FAM13A: variants seen among roughly 807,000 people sequenced by gnomAD.
The protein encoded by FAM13A is protein FAM13A.
A neutral mutation model predicts 129.6 loss-of-function variants in FAM13A; 76 were observed. The ratio of observed to expected loss-of-function variants is 0.59; its 90% CI spans 0.49 to 0.71. The LOEUF is 0.71. Among genes scored for constraint, FAM13A ranks in the 30% least tolerant of loss-of-function variants. The pLI is 0.00. For missense variants in FAM13A, 1,108 were observed against 1,249.3 expected (o/e 0.89, Z 1.70); for synonymous variants, 443 against 449.9 (o/e 0.98, Z 0.20).
intron 6 of FAM13A, among the ~76,000 whole-genome samples, chr4:88,878,844 T>C (rs1001047293): frequency 1.3e-5 from 2 of 152,200 alleles, no homozygotes; most frequent in Non-Finnish European, 2.9e-5. Context: ...GAGCACAAAG[T>C]ACAAACTTAT....
intron 1 of FAM13A, among the ~76,000 whole-genome samples, chr4:89,043,437 G>C (rs1037936539): frequency 2.6e-5 from 4 of 152,054 alleles, no homozygotes; most frequent in African/African-American, 9.7e-5. Context: ...GCAATAGAGG[G>C]GGGAATCTCC....
intron 13 of FAM13A, among the ~76,000 whole-genome samples, chr4:88,764,761 T>C (rs1745423635): frequency 6.6e-6 from 1 of 152,230 alleles, no homozygotes; most frequent in Admixed American, 6.5e-5. Context: ...TCAGCCTTTC[T>C]GAACCTTCCT....
At chr4:88,766,541 T>A (rs1454843164) in intron 13 of FAM13A, among the ~76,000 whole-genome samples, 1 of 151,866 alleles carries the variant, frequency 6.6e-6, no homozygotes, top group Non-Finnish European at 1.5e-5. Context: ...GTTCAGGGAG[T>A]GGGGATTAGT....
intron 2 of FAM13A, among the ~76,000 whole-genome samples, chr4:89,021,186 C>T (rs1454316791): frequency 6.6e-6 from 1 of 152,166 alleles, no homozygotes; most frequent in Non-Finnish European, 1.5e-5. Flanking sequence ...AAGACAAGAT[C>T]CTTGCCTTCA....
At chr4:88,890,990 C>T (rs1467316006) in intron 6 of FAM13A, among the ~76,000 whole-genome samples, 2 of 151,970 alleles carry the variant, frequency 1.3e-5, no homozygotes, top group African/African-American at 2.4e-5. Context: ...AGCCATTTAC[C>T]AAAAACAAAT....
chr4:88,843,639 G>A (rs945856911), intron 7 of FAM13A, among the ~76,000 whole-genome samples: 3 of 152,208 alleles, frequency 2.0e-5, no homozygotes, highest in Non-Finnish European at 2.9e-5. Flanking sequence ...AGTTAATGTT[G>A]TTGAACACTG....
intron 6 of FAM13A, among the ~76,000 whole-genome samples, chr4:88,860,417 C>A (rs1739294995): frequency 6.6e-6 from 1 of 152,154 alleles, no homozygotes; most frequent in Non-Finnish European, 1.5e-5. Flanking sequence ...AGAAATAATT[C>A]TTTCATCTAT....
At chr4:88,964,421 GATTA>G (rs936340965) in intron 4 of FAM13A, among the ~76,000 whole-genome samples, 12 of 151,908 alleles carry the variant, frequency 7.9e-5, no homozygotes, top group Non-Finnish European at 1.6e-4. Flanking sequence ...GTTGTTTTGG[GATTA>G]AAAAAATATT....
At position 88,886,449 on chromosome 4, in the gene FAM13A, G is replaced by A. The variant is rs375488466; in HGVS notation, c.843+19930C>T. Among the ~76,000 whole-genome samples, 46 of 151,776 alleles carry A rather than the reference G, an allele frequency of 3.0e-4. No individual in the cohort carries two copies. In the East Asian group the frequency reaches 4.3e-3, roughly 14 times the overall value. The stretch of plus-strand genomic sequence containing the variant: ...ACTAGAATTACAAAATTAGCCAGGC[G>A]TGGTGGCATGCACCTGTAGTCCCAG... On this transcript the variant is annotated intron_variant, in intron 6 of 23. Coordinates refer to ENST00000264344, the MANE Select transcript of FAM13A (RefSeq NM_014883.4).
intron 7 of FAM13A, among the ~76,000 whole-genome samples, chr4:88,808,005 C>G (rs980690960): frequency 1.3e-5 from 2 of 152,116 alleles, no homozygotes; most frequent in African/African-American, 2.4e-5. Flanking sequence ...TACATTTAGT[C>G]AACAATCAGC....
intron 4 of FAM13A, among the ~76,000 whole-genome samples, chr4:88,956,797 C>A (rs917111234): frequency 3.9e-5 from 6 of 152,186 alleles, no homozygotes; most frequent in African/African-American, 1.4e-4. Flanking sequence ...TCACAACACA[C>A]CTTCTTATCT....
At chr4:88,920,199 G>T (rs1450162073) in intron 5 of FAM13A, among the ~76,000 whole-genome samples, 31 of 151,988 alleles carry the variant, frequency 2.0e-4, no homozygotes, top group Admixed American at 2.0e-3. Context: ...GAGAGCAGTG[G>T]TTCTCCCAGC....
rs185688581 is a variant in FAM13A, at chr4:88,768,461, A to C, written c.1459-402T>G. On this transcript the variant is annotated intron_variant, in intron 11 of 23. Transcript: ENST00000264344. ...CTGATGTACCATTTACTCTCTCTCT[A>C]TCTATCTATCTATATAAGAACGTAT... 1.7e-3 allele frequency: 260 copies of C among 149,914 alleles called. 1 individual carries two copies. In the East Asian group the frequency reaches 0.02, roughly 12 times the overall value. 9.3% of individuals were successfully genotyped at this position (149,914 alleles called of 1,614,324 possible).
chr4:88,838,351 C>G (rs182595148), intron 7 of FAM13A, among the ~76,000 whole-genome samples: 1 of 151,748 alleles, frequency 6.6e-6, no homozygotes, highest in African/African-American at 2.4e-5. Flanking sequence ...AATAAAAGTG[C>G]CATGAACAAA....
At chr4:89,054,767 G>A (rs1772015874) in intron 1 of FAM13A, among the ~76,000 whole-genome samples, 1 of 152,122 alleles carries the variant, frequency 6.6e-6, no homozygotes, top group African/African-American at 2.4e-5. Flanking sequence ...CTATTCTTCT[G>A]AGGACAGCTC....
chr4:88,913,945 G>A (rs1310506191), intron 5 of FAM13A, among the ~76,000 whole-genome samples: 1 of 151,760 alleles, frequency 6.6e-6, no homozygotes, highest in Admixed American at 6.6e-5. Flanking sequence ...TGAGGTTGCA[G>A]TGAGCCAAGA....
intron 7 of FAM13A, among the ~76,000 whole-genome samples, chr4:88,818,046 T>G (rs1731126799): frequency 6.6e-6 from 1 of 152,144 alleles, no homozygotes; most frequent in African/African-American, 2.4e-5. Context: ...TGCAGTGGCA[T>G]GAACTCAGCT....
intron 6 of FAM13A, among the ~76,000 whole-genome samples, chr4:88,889,899 T>C (rs1197389889): frequency 6.6e-6 from 1 of 152,162 alleles, no homozygotes; most frequent in Non-Finnish European, 1.5e-5. Flanking sequence ...TGGGGATGTT[T>C]GTTACAGCAG....
chr4:88,961,347 C>CTTTTTTTTTTTTTT lies in FAM13A; in HGVS notation c.606-23120_606-23107dup, dbSNP rs773764813. Among the ~76,000 whole-genome samples the CTTTTTTTTTTTTTT allele has an allele frequency of 7.2e-5, 4 of 55,442 alleles. 1 individual carries two copies. Among genetic ancestry groups the CTTTTTTTTTTTTTT allele is most frequent in the Non-Finnish European group, 1.4e-4 (4 of 29,388 alleles). The allele number at this position is 55,442 out of a possible 152,430, so 36.4% of individuals were successfully genotyped here. Reference sequence around the variant, plus strand: ...AAATCCTCAGCTTTGTGGAATTTGCCTTTTTTTTTTTTTTTTTTTTTTTTT... The same window carrying CTTTTTTTTTTTTTT: ...AAATCCTCAGCTTTGTGGAATTTGCCTTTTTTTTTTTTTTTTTTTTTTTTTTTTTTTTTTTTTTT... On this transcript the variant is annotated intron_variant, in intron 4 of 23. Coordinates refer to ENST00000264344, the MANE Select transcript of FAM13A (RefSeq NM_014883.4).
Sources: gnomAD v4.1 joint callset for allele counts (sites outside exome capture counted in the v4.1 genomes callset) on GRCh38, gnomAD v4.1.1 for gene constraint, MANE v1.5 for transcripts, NCBI Gene and HGNC (gene_info 2026-07-23, HGNC 2026-07-21) for gene names.